Variants in RC3H1 observed in about 807,000 individuals in gnomAD.
RC3H1 encodes ring finger and CCCH-type domains 1.
In RC3H1, 50 loss-of-function variants were observed where a neutral mutation model predicts 138.2. The ratio of observed to expected loss-of-function variants is 0.36; its 90% CI spans 0.29 to 0.46. The LOEUF (loss-of-function observed/expected upper bound fraction) is 0.46. RC3H1 is among the 20% of genes least tolerant of loss of function. The pLI is 1.00. For synonymous variants in RC3H1, 462 were observed against 489.1 expected (o/e 0.94, Z 0.73); for missense variants, 1,031 against 1,388.1 (o/e 0.74, Z 4.09).
At chr1:173,963,867 C>T (rs1167748344) in intron 11 of RC3H1, 106 bp downstream of exon 11, 5 of 833,470 alleles carry the variant, frequency 6.0e-6, no homozygotes, top group Non-Finnish European at 9.4e-6. Flanking sequence ...TGCATTTATA[C>T]ATTTACTTAT....
chr1:173,993,025 C>G lies in RC3H1; in HGVS notation c.-40G>C, dbSNP rs776228220. On this transcript the variant is annotated 5_prime_UTR_variant, in exon 2 of 20. Transcript: ENST00000367696. ...CAATTCACGAACACAAACACACACA[C>G]AAATCTAAAGCAAAGATTCCACTGG... is the stretch of plus-strand genomic sequence containing the variant. The G allele has an allele frequency of 7.1e-7, 1 of 1,408,998 alleles. No individual in the cohort carries two copies. Among genetic ancestry groups the G allele is most frequent in the East Asian group, 2.3e-5 (1 of 43,410 alleles). The allele number at this position is 1,408,998 out of a possible 1,614,324, so 87.3% of individuals were successfully genotyped here.
chr1:173,981,983 A>G (rs1660840039), intron 5 of RC3H1, among the ~76,000 whole-genome samples: 1 of 152,212 alleles, frequency 6.6e-6, no homozygotes, highest in Non-Finnish European at 1.5e-5. Context: ...TGCTTATTCA[A>G]TTTGGGATAA....
intron 1 of RC3H1, among the ~76,000 whole-genome samples, chr1:174,007,419 C>T (rs1245898156): frequency 6.6e-6 from 1 of 151,816 alleles, no homozygotes; most frequent in East Asian, 1.9e-4. Flanking sequence ...ATAACGGAAT[C>T]ATCAGTATGT....
intron 19 of RC3H1, among the ~76,000 whole-genome samples, chr1:173,939,834 C>CA (rs1464659893): frequency 1.4e-4 from 20 of 141,316 alleles, no homozygotes; most frequent in South Asian, 6.7e-4. Context: ...GACTCCATCT[C>CA]AAAAAAAAAA....
chr1:173,977,727 G>C (rs1011720393), intron 7 of RC3H1, among the ~76,000 whole-genome samples: 4 of 152,152 alleles, frequency 2.6e-5, no homozygotes, highest in Non-Finnish European at 4.4e-5. Context: ...AGCATAACCT[G>C]CCTACTCTTT....
Position 173,934,560 on chromosome 1 carries a change from A to G in RC3H1, c.*4161T>C, listed in dbSNP as rs1658503783. 1 of 152,242 alleles carries G rather than the reference A, an allele frequency of 6.6e-6. No individual in the cohort carries two copies. The highest frequency in any genetic ancestry group is 1.5e-5 in the Non-Finnish European group (1 of 68,044). 9.4% of individuals were successfully genotyped at this position (152,242 alleles called of 1,614,324 possible). ...ACTTCCCCCAAAACCAAAACAGAGT[A>G]AAGCACAAGTCTTTGGCTCTCCTTT... On this transcript the variant is annotated 3_prime_UTR_variant, in exon 20 of 20. Transcript: ENST00000367696.
intron 1 of RC3H1, among the ~76,000 whole-genome samples, chr1:173,994,807 A>AC (rs1320392127): frequency 6.6e-6 from 1 of 151,762 alleles, no homozygotes; most frequent in East Asian, 1.9e-4. Context: ...AAAAAAAAAA[A>AC]AAAAAAAGAA....
At chr1:173,977,132 G>C (rs1219659323) in intron 7 of RC3H1, among the ~76,000 whole-genome samples, 1 of 152,016 alleles carries the variant, frequency 6.6e-6, no homozygotes, top group Non-Finnish European at 1.5e-5. Context: ...CATCGTGCTG[G>C]CCAGGATGGT....
At chr1:173,961,300 A>C (rs771431869) in intron 12 of RC3H1, 56 bp from the exon 13 acceptor site, 12 of 1,464,916 alleles carry the variant, frequency 8.2e-6, no homozygotes, top group Non-Finnish European at 9.4e-6. Flanking sequence ...AGATTAATTC[A>C]TTTAATATAC....
In RC3H1 at chr1:174,011,109, C is replaced by T. The variant is rs1419787415; in HGVS notation, c.-151+10987G>A. Among the ~76,000 whole-genome samples the T allele has an allele frequency of 4.6e-5, 7 of 152,034 alleles. 1 individual carries two copies. Among genetic ancestry groups the T allele is most frequent in the Non-Finnish European group, 2.9e-5 (2 of 67,986 alleles). ...TTCTATTCTAAGAATTTTCTTACTTCGAAATCCATCAAATTCTATTTTATA... is the reference window on the plus strand; with the variant it reads ...TTCTATTCTAAGAATTTTCTTACTTTGAAATCCATCAAATTCTATTTTATA... On this transcript the variant is annotated intron_variant, in intron 1 of 19. Coordinates refer to ENST00000367696, the MANE Select transcript of RC3H1 (RefSeq NM_172071.4).
intron 4 of RC3H1, 62 bp downstream of exon 4, chr1:173,983,355 AT>A: frequency 1.3e-6 from 2 of 1,575,780 alleles, no homozygotes; most frequent in Non-Finnish European, 1.7e-6. Flanking sequence ...TACATCACTT[AT>A]AATTCCTACA....
chr1:174,012,086 C>T (rs1265181254), intron 1 of RC3H1, among the ~76,000 whole-genome samples: 3 of 151,704 alleles, frequency 2.0e-5, no homozygotes, highest in Non-Finnish European at 2.9e-5. Context: ...TGGCACGCAC[C>T]TGTAGTCCCA....
intron 1 of RC3H1, among the ~76,000 whole-genome samples, chr1:174,012,242 T>A (rs1661783829): frequency 6.7e-6 from 1 of 149,846 alleles, no homozygotes; most frequent in Admixed American, 6.6e-5. Context: ...AAAAAAAAAA[T>A]AGGTAACATA....
At position 173,935,550 on chromosome 1, in the gene RC3H1, A is replaced by G. The variant is rs1572103042; in HGVS notation, c.*3171T>C. ...AGAAAACATAAAAACTGTATTTCCTATCTGGTTTCATCTTTGTCTCTAAAA... is the reference window on the plus strand; with the variant it reads ...AGAAAACATAAAAACTGTATTTCCTGTCTGGTTTCATCTTTGTCTCTAAAA... On this transcript the variant is annotated 3_prime_UTR_variant, in exon 20 of 20. Coordinates refer to ENST00000367696, the MANE Select transcript of RC3H1 (RefSeq NM_172071.4). 6.6e-6 allele frequency: 1 copy of G among 152,104 alleles called. No individual in the cohort carries two copies. Among genetic ancestry groups the G allele is most frequent in the East Asian group, 1.9e-4 (1 of 5,190 alleles). 9.4% of individuals were successfully genotyped at this position (152,104 alleles called of 1,614,324 possible).
intron 2 of RC3H1, among the ~76,000 whole-genome samples, chr1:173,990,022 G>A (rs771098466): frequency 3.3e-5 from 5 of 151,834 alleles, no homozygotes; most frequent in East Asian, 1.9e-4. Context: ...CACCGCGCCC[G>A]GCCTATTCAA....
chr1:173,952,402 T>TG (rs1659453069), intron 13 of RC3H1, among the ~76,000 whole-genome samples: 1 of 47,206 alleles, frequency 2.1e-5, no homozygotes, highest in African/African-American at 8.1e-5. Context: ...TAGCAGAAGG[T>TG]AAAAAAAAAA....
chr1:173,933,668 T>G lies in RC3H1; in HGVS notation c.*5053A>C, dbSNP rs1484371620. 3 of 152,128 alleles carry G rather than the reference T, an allele frequency of 2.0e-5. No homozygotes were observed. The highest frequency in any genetic ancestry group is 4.4e-5 in the Non-Finnish European group (3 of 68,000). 9.4% of individuals were successfully genotyped at this position (152,128 alleles called of 1,614,324 possible). A position where few individuals can be genotyped will look rare whatever the true frequency, so the allele number is the denominator to read the frequency against. The stretch of plus-strand genomic sequence containing the variant: ...CAATAAGTCATTTCAGCAGGAAAAT[T>G]TCATAAACCTGAGCTGAAGCAACAA... On this transcript the variant is annotated 3_prime_UTR_variant, in exon 20 of 20. Coordinates refer to ENST00000367696, the MANE Select transcript of RC3H1 (RefSeq NM_172071.4).
At position 173,964,102 on chromosome 1, in the gene RC3H1, T is replaced by C. The variant is rs759478467; in HGVS notation, c.1702A>G (p.Met568Val). The C allele has an allele frequency of 1.8e-5, 29 of 1,614,012 alleles. No homozygotes were observed. The East Asian group carries it at 2.0e-4, about 11-fold the overall frequency. The change falls in exon 11 of 20, where the codon ATG becomes GTG. Residue 568 changes from methionine to valine, a missense_variant. Physicochemically the swap from Met to Val is conservative, Grantham distance 21 (BLOSUM62 1). This residue lies in a region of RC3H1 where 716 missense variants were observed against 837.9 expected (regional missense o/e 0.85). Coordinates refer to ENST00000367696, the MANE Select transcript of RC3H1 (RefSeq NM_172071.4). Reference sequence around the variant, plus strand: ...ATCTGAAGTGGTTTGGTAACAGGCATTGGAGGCAGATCTGCTGGCCCCCTT... The same window carrying C: ...ATCTGAAGTGGTTTGGTAACAGGCACTGGAGGCAGATCTGCTGGCCCCCTT... Reference protein sequence around the residue: ...PPRGPADLPPMPVTKPLQMVP... With the variant: ...PPRGPADLPPVPVTKPLQMVP...
intron 1 of RC3H1, among the ~76,000 whole-genome samples, chr1:174,010,797 A>C (rs1661736869): frequency 6.6e-6 from 1 of 152,172 alleles, no homozygotes; most frequent in Non-Finnish European, 1.5e-5. Flanking sequence ...TTCTTCCATG[A>C]CAACTCAATT....
Sources: allele counts gnomAD v4.1 joint callset (sites outside exome capture counted in the v4.1 genomes callset), GRCh38; gene constraint gnomAD v4.1.1; regional missense constraint gnomAD v4.1.1; transcripts MANE v1.5; gene names NCBI Gene and HGNC (gene_info 2026-07-23, HGNC 2026-07-21).